The following HRH1 variants were observed in gnomAD, a reference collection of about 807,000 sequenced individuals.
The protein encoded by HRH1 is histamine receptor H1, also known as histamine H1 receptor.
HRH1 carries 6 observed loss-of-function variants against 10.3 expected under a neutral mutation model. The observed-to-expected ratio is 0.58, with a 90% CI of 0.32 to 1.15. HRH1 has a LOEUF of 1.15. Among genes scored for constraint, HRH1 ranks in the 50% most tolerant of loss-of-function variants. HRH1 has a pLI of 0.05. For synonymous variants in HRH1, 242 were observed against 236.7 expected (o/e 1.02, Z -0.21); for missense variants, 514 against 615.3 (o/e 0.84, Z 1.74).
chr3:11,179,448 G>A lies in HRH1; in HGVS notation c.-36+24894G>A, dbSNP rs566043809. Among the ~76,000 whole-genome samples, 31 of 150,734 alleles carry A rather than the reference G, an allele frequency of 2.1e-4. No homozygotes were observed. In the East Asian group the frequency reaches 4.8e-3, roughly 23 times the overall value. On this transcript the variant is annotated intron_variant, in intron 1 of 1. Coordinates refer to ENST00000431010, the MANE Select transcript of HRH1 (RefSeq NM_001098212.2). ...ATCCCGGCTAACATGGTGAAACCCC[G>A]TCTCTACTAAAAATACAAAAAATTA...
chr3:11,225,286 C>T (rs1354605459), intron 1 of HRH1, among the ~76,000 whole-genome samples: 1 of 152,212 alleles, frequency 6.6e-6, no homozygotes, highest in Non-Finnish European at 1.5e-5. Flanking sequence ...AATCGCTTGG[C>T]TTCTTTTAAC....
intron 1 of HRH1, among the ~76,000 whole-genome samples, chr3:11,190,367 T>TA: frequency 6.7e-6 from 1 of 149,648 alleles, no homozygotes. Context: ...ATATATATAT[T>TA]TTTTAATTAA....
intron 1 of HRH1, among the ~76,000 whole-genome samples, chr3:11,145,627 T>A (rs553850008): frequency 6.6e-6 from 1 of 152,220 alleles, no homozygotes; most frequent in Non-Finnish European, 1.5e-5. Context: ...TGGTAAAATG[T>A]ACAAATAATA....
At chr3:11,244,558 C>T (rs948677795) in intron 1 of HRH1, among the ~76,000 whole-genome samples, 1 of 152,172 alleles carries the variant, frequency 6.6e-6, no homozygotes, top group African/African-American at 2.4e-5. Context: ...AATTGAGCAC[C>T]TCATGTATGC....
At chr3:11,190,510 C>T (rs1218247773) in intron 1 of HRH1, among the ~76,000 whole-genome samples, 1 of 151,984 alleles carries the variant, frequency 6.6e-6, no homozygotes, top group East Asian at 1.9e-4. Context: ...CTTGCCTCAG[C>T]CTCCTGAGTA....
chr3:11,162,717 AACAG>A (rs1429514249), intron 1 of HRH1, among the ~76,000 whole-genome samples: 1 of 152,088 alleles, frequency 6.6e-6, no homozygotes, highest in Non-Finnish European at 1.5e-5. Flanking sequence ...CAAGGAGAGA[AACAG>A]ACAGATTGAG....
At chr3:11,189,703 G>A (rs1192079707) in intron 1 of HRH1, among the ~76,000 whole-genome samples, 1 of 151,924 alleles carries the variant, frequency 6.6e-6, no homozygotes, top group Non-Finnish European at 1.5e-5. Flanking sequence ...AGGCCAAAGG[G>A]GGTGGATCAC....
At chr3:11,141,685 CTA>C (rs1936294676) in intron 1 of HRH1, among the ~76,000 whole-genome samples, 2 of 152,216 alleles carry the variant, frequency 1.3e-5, no homozygotes, top group African/African-American at 4.8e-5. Context: ...GGAAGCCACA[CTA>C]TCTTTCATGA....
chr3:11,144,263 C>A (rs1033676142), intron 1 of HRH1, among the ~76,000 whole-genome samples: 1 of 151,476 alleles, frequency 6.6e-6, no homozygotes, highest in African/African-American at 2.4e-5. Flanking sequence ...ATGTTTATTG[C>A]AGCACTATTC....
intron 1 of HRH1, among the ~76,000 whole-genome samples, chr3:11,227,565 C>T (rs1481757523): frequency 6.6e-6 from 1 of 152,156 alleles, no homozygotes; most frequent in Non-Finnish European, 1.5e-5. Flanking sequence ...GGATTACAGA[C>T]GTGAGCCACC....
chr3:11,160,651 A>G (rs942913699), intron 1 of HRH1, among the ~76,000 whole-genome samples: 6 of 152,076 alleles, frequency 3.9e-5, no homozygotes, highest in African/African-American at 1.2e-4. Context: ...CTAAATTACA[A>G]TATATCTTTG....
intron 1 of HRH1, among the ~76,000 whole-genome samples, chr3:11,256,345 A>G (rs1229295003): frequency 1.3e-5 from 2 of 152,224 alleles, no homozygotes; most frequent in Non-Finnish European, 2.9e-5. Flanking sequence ...ACACATGAGA[A>G]GATGGAGGCC....
rs1246932987 is a variant in HRH1, at chr3:11,230,818, AG to A, written c.-35-28183del. On this transcript the variant is annotated intron_variant, in intron 1 of 1. Transcript: ENST00000431010. Reference sequence around the variant, plus strand: ...AGTTTTTTTTTACATTAAGCCTTTTAGGAACACTCAGTTGTAGGAAATAATA... The same window carrying A: ...AGTTTTTTTTTACATTAAGCCTTTTAGAACACTCAGTTGTAGGAAATAATA... 3.3e-5 allele frequency among the ~76,000 whole-genome samples: 5 copies of A among 152,188 alleles called. No individual in the cohort carries two copies. In the East Asian group the frequency reaches 9.6e-4, roughly 29 times the overall value.
chr3:11,217,827 CATT>C (rs1239920144), intron 1 of HRH1, among the ~76,000 whole-genome samples: 1 of 152,112 alleles, frequency 6.6e-6, no homozygotes, highest in East Asian at 1.9e-4. Context: ...GACAAACAGA[CATT>C]ATATACCACC....
chr3:11,153,851 G>C (rs1169022142), upstream of HRH1, among the ~76,000 whole-genome samples: 2 of 152,092 alleles, frequency 1.3e-5, no homozygotes, highest in Admixed American at 1.3e-4. Flanking sequence ...TCATCAGGAC[G>C]GGCTAGGGAG....
rs150370334 is a variant in HRH1 at position 11,230,842 on chromosome 3, A to G, written c.-35-28161A>G. 1.7e-3 allele frequency among the ~76,000 whole-genome samples: 254 copies of G among 151,736 alleles called. 1 individual carries two copies. Among genetic ancestry groups the G allele is most frequent in the African/African-American group, 6.0e-3 (246 of 41,006 alleles). On this transcript the variant is annotated intron_variant, in intron 1 of 1. Transcript: ENST00000431010. ...TAGGAACACTCAGTTGTAGGAAATA[A>G]TATAGAGGAATCCTGCATACACTTT...
chr3:11,248,825 T>C (rs1292529986), intron 1 of HRH1, among the ~76,000 whole-genome samples: 1 of 152,194 alleles, frequency 6.6e-6, no homozygotes, highest in East Asian at 1.9e-4. Flanking sequence ...TACACCAGGC[T>C]GTGGGGTTCT....
intron 1 of HRH1, among the ~76,000 whole-genome samples, chr3:11,217,484 G>C (rs1383444628): frequency 6.6e-6 from 1 of 152,156 alleles, no homozygotes; most frequent in Non-Finnish European, 1.5e-5. Flanking sequence ...AGCCGAGATG[G>C]CGCCATTGCA....
At chr3:11,239,804 C>T (rs112442422) in intron 1 of HRH1, among the ~76,000 whole-genome samples, 4,545 of 152,088 alleles carry the variant, frequency 0.03, 220 homozygotes, top group African/African-American at 0.1. Flanking sequence ...CTCCTCTTGC[C>T]CCCAGTGGCA....
Sources: gnomAD v4.1 joint callset for allele counts (sites outside exome capture counted in the v4.1 genomes callset) on GRCh38, gnomAD v4.1.1 for gene constraint, MANE v1.5 for transcripts, NCBI Gene and HGNC (gene_info 2026-07-23, HGNC 2026-07-21) for gene names.